The following PKD1L1 variants were observed in gnomAD, a reference collection of about 807,000 sequenced individuals.
The protein encoded by PKD1L1 is polycystin-1-like protein 1.
Under a neutral mutation model 323.4 loss-of-function variants are expected in PKD1L1, and 236 were observed. That is an observed-to-expected ratio of 0.73 (90% confidence interval 0.66 to 0.81). PKD1L1 has a LOEUF of 0.81. Among genes scored for constraint, PKD1L1 ranks in the 40% least tolerant of loss-of-function variants. PKD1L1 has a pLI of 0.00. For synonymous variants in PKD1L1, 1,344 were observed against 1,335.0 expected (o/e 1.01, Z -0.15); for missense variants, 3,320 against 3,508.0 (o/e 0.95, Z 1.35).
chr7:47,797,989 C>T (rs969297353), intron 54 of PKD1L1, among the ~76,000 whole-genome samples: 2 of 152,102 alleles, frequency 1.3e-5, no homozygotes, highest in Non-Finnish European at 2.9e-5. Flanking sequence ...ATCAAAAAAG[C>T]TTAATATTAT....
intron 52 of PKD1L1, among the ~76,000 whole-genome samples, chr7:47,806,049 G>A (rs1214904659): frequency 6.6e-6 from 1 of 152,162 alleles, no homozygotes; most frequent in Non-Finnish European, 1.5e-5. Context: ...CAGGGGCAGG[G>A]AACATAATGA....
At chr7:47,829,639 A>T (rs1198987035) in intron 43 of PKD1L1, 38 bp from the exon 44 acceptor site, 23 of 1,562,892 alleles carry the variant, frequency 1.5e-5, no homozygotes, top group Admixed American at 1.9e-5. Flanking sequence ...GAGCCGCCCT[A>T]TGTCTGTGTT....
chr7:47,814,156 AT>A, intron 47 of PKD1L1, 142 bp from the exon 48 acceptor site: 1 of 608,940 alleles, frequency 1.6e-6, no homozygotes, highest in Non-Finnish European at 2.9e-6. Context: ...TTCCAATACC[AT>A]TTTAGGGATA....
chr7:47,834,265 G>T, intron 40 of PKD1L1, 74 bp downstream of exon 40: 1 of 1,461,358 alleles, frequency 6.8e-7, no homozygotes, highest in Non-Finnish European at 9.5e-7. Flanking sequence ...ATAGCCAAGG[G>T]AGGATGCCAG....
At chr7:47,788,367 T>C (rs1378004891) in intron 56 of PKD1L1, among the ~76,000 whole-genome samples, 11 of 150,300 alleles carry the variant, frequency 7.3e-5, no homozygotes, top group Non-Finnish European at 1.5e-4. Flanking sequence ...CTCTGCTCAC[T>C]GCAACCTCCA....
rs570406404 is a variant in PKD1L1 at position 47,834,554 on chromosome 7, T to G, written c.6128-169A>C. ...AGGATAAGGCTAGAACGAGGACTTT[T>G]GTTGATGCTTCAGTCCTGATGTTGG... is the stretch of plus-strand genomic sequence containing the variant. On this transcript the variant is annotated intron_variant, in intron 39 of 56. Transcript: ENST00000289672. Among the ~76,000 whole-genome samples, 3 of 152,326 alleles carry G rather than the reference T, an allele frequency of 2.0e-5. 1 individual carries two copies. The South Asian group carries it at 6.2e-4, about 32-fold the overall frequency.
intron 7 of PKD1L1, 126 bp from the exon 8 acceptor site, chr7:47,915,725 TAAGG>T (rs1450921273): frequency 1.8e-6 from 1 of 564,874 alleles, no homozygotes; most frequent in Non-Finnish European, 3.0e-6. Context: ...CCCAACCAAT[TAAGG>T]AAGGAAAAAG....
intron 14 of PKD1L1, among the ~76,000 whole-genome samples, chr7:47,894,577 G>A (rs532393152): frequency 1.3e-5 from 2 of 152,244 alleles, no homozygotes; most frequent in South Asian, 4.1e-4. Context: ...GCGGCCAGGC[G>A]CGGTGGTTCA....
At chr7:47,836,471 T>C (rs1785459484) in intron 37 of PKD1L1, among the ~76,000 whole-genome samples, 1 of 152,222 alleles carries the variant, frequency 6.6e-6, no homozygotes, top group Non-Finnish European at 1.5e-5. Context: ...AGTAATTTAC[T>C]ACATCTCATG....
Position 47,916,871 on chromosome 7 carries a change from T to C in PKD1L1, c.1061-1272A>G, listed in dbSNP as rs539869106. 3.3e-5 allele frequency among the ~76,000 whole-genome samples: 5 copies of C among 152,084 alleles called. No individual in the cohort carries two copies. The East Asian group carries it at 9.6e-4, about 29-fold the overall frequency. On this transcript the variant is annotated intron_variant, in intron 7 of 56. Transcript: ENST00000289672. ...TTCCATCTGACAGAGCCTACCCAAA[T>C]GAGAAGGAACCAGAAAACCAACTCT...
rs776765561 is a variant in PKD1L1 at position 47,808,381 on chromosome 7, C to G, written c.7693G>C (p.Val2565Leu). The G allele has an allele frequency of 1.9e-6, 3 of 1,614,026 alleles. No individual in the cohort carries two copies. Among genetic ancestry groups the G allele is most frequent in the Non-Finnish European group, 8.5e-7 (1 of 1,180,008 alleles). The change falls in exon 52 of 57, where the codon GTG becomes CTG. Residue 2565 changes from valine (V) to leucine (L), a missense_variant. Coordinates refer to ENST00000289672, the MANE Select transcript of PKD1L1 (RefSeq NM_138295.5). ...TAGTAGGTGAGGCTCACTCCAACCA[C>G]GGAGAGCTGGAACATCCAAGAGAAA... ...RKPRNWLELS[V>L]VGVSLTYYAV...
intron 8 of PKD1L1, among the ~76,000 whole-genome samples, chr7:47,914,384 T>TAGAGA (rs200504708): frequency 0.018 from 2,703 of 152,306 alleles, 35 homozygotes; most frequent in African/African-American, 0.038. Context: ...AAGTCCATTG[T>TAGAGA]AGAGAAACAT....
In PKD1L1 at chr7:47,914,011, G is replaced by GA. The variant is rs747522823; in HGVS notation, c.1228+1420dup. 6.6e-5 allele frequency among the ~76,000 whole-genome samples: 10 copies of GA among 152,140 alleles called. 1 individual carries two copies. Among genetic ancestry groups the GA allele is most frequent in the Middle Eastern group, 3.4e-3 (1 of 294 alleles). The stretch of plus-strand genomic sequence containing the variant: ...TTAAGAAAGGTGAAAGCATATATGA[G>GA]AAAAAAATGAGTAAAATTGGTGATA... On this transcript the variant is annotated intron_variant, in intron 8 of 56. Transcript: ENST00000289672.
intron 24 of PKD1L1, among the ~76,000 whole-genome samples, chr7:47,867,132 C>T (rs1007331621): frequency 1.3e-5 from 2 of 152,130 alleles, no homozygotes; most frequent in Non-Finnish European, 2.9e-5. Flanking sequence ...GAAAAATGAT[C>T]CTCAGTTTCC....
At chr7:47,919,147 G>T (rs886829278) in intron 7 of PKD1L1, among the ~76,000 whole-genome samples, 2 of 151,984 alleles carry the variant, frequency 1.3e-5, no homozygotes, top group East Asian at 3.8e-4. Context: ...AAAAAAAGAA[G>T]ACAGAAAATC....
rs756762150 is a variant in PKD1L1 at position 47,865,199 on chromosome 7, G to GA, written c.4149+16dup. On this transcript the variant is annotated intron_variant, in intron 26 of 56. Coordinates refer to ENST00000289672, the MANE Select transcript of PKD1L1 (RefSeq NM_138295.5). ...ATATAAAATAGGAAAATATTTCTGG[G>GA]AAAAAATTGCACTTACCTTATTAGA... is the stretch of plus-strand genomic sequence containing the variant. The GA allele has an allele frequency of 3.8e-6, 6 of 1,599,788 alleles. No individual in the cohort carries two copies. Among genetic ancestry groups the GA allele is most frequent in the African/African-American group, 1.3e-5 (1 of 74,324 alleles).
At chr7:47,906,209 T>G (rs778380349) in intron 9 of PKD1L1, among the ~76,000 whole-genome samples, 1 of 152,260 alleles carries the variant, frequency 6.6e-6, no homozygotes, top group Non-Finnish European at 1.5e-5. Context: ...TGGTATTAAA[T>G]ATGCTAATTC....
chr7:47,906,919 C>T (rs1301155816), intron 9 of PKD1L1, among the ~76,000 whole-genome samples: 1 of 152,058 alleles, frequency 6.6e-6, no homozygotes, highest in Admixed American at 6.5e-5. Context: ...ATATAGTTTA[C>T]AGATTTGCAC....
intron 31 of PKD1L1, among the ~76,000 whole-genome samples, chr7:47,850,134 C>T (rs955735093): frequency 2.0e-5 from 3 of 151,706 alleles, no homozygotes; most frequent in African/African-American, 7.3e-5. Flanking sequence ...ATTCATGTAA[C>T]CAAAAACCAC....
Sources: allele counts gnomAD v4.1 joint callset (sites outside exome capture counted in the v4.1 genomes callset), GRCh38; gene constraint gnomAD v4.1.1; transcripts MANE v1.5; gene names NCBI Gene and HGNC (gene_info 2026-07-23, HGNC 2026-07-21).